Variants in ADAMTS20 observed in about 807,000 individuals in gnomAD.
ADAMTS20 encodes A disintegrin and metalloproteinase with thrombospondin motifs 20.
A neutral mutation model predicts 260.1 loss-of-function variants in ADAMTS20; 225 were observed. That is an observed-to-expected ratio of 0.87 (90% CI 0.78 to 0.97). The LOEUF is 0.97. ADAMTS20 is among the 50% of genes least tolerant of loss of function. The pLI, the probability that ADAMTS20 is intolerant of heterozygous loss-of-function variation, is 0.00. For missense variants in ADAMTS20, 2,400 were observed against 2,337.7 expected (o/e 1.03, Z -0.55); for synonymous variants, 802 against 769.5 (o/e 1.04, Z -0.70).
At chr12:43,509,305 C>T (rs1942890332) in intron 3 of ADAMTS20, among the ~76,000 whole-genome samples, 1 of 151,948 alleles carries the variant, frequency 6.6e-6, no homozygotes, top group South Asian at 2.1e-4. Context: ...CAAAATTTAA[C>T]AACAAATTTT....
chr12:43,380,693 AAG>A (rs1414263170), intron 31 of ADAMTS20, among the ~76,000 whole-genome samples: 3 of 152,218 alleles, frequency 2.0e-5, no homozygotes, highest in African/African-American at 7.2e-5. Flanking sequence ...AATAAATTAA[AAG>A]AAGTGCAAGA....
At chr12:43,501,215 C>A (rs1216200125) in intron 4 of ADAMTS20, among the ~76,000 whole-genome samples, 1 of 151,806 alleles carries the variant, frequency 6.6e-6, no homozygotes, top group East Asian at 1.9e-4. Context: ...TTCACCACCA[C>A]GCCTGGCTAA....
chr12:43,482,352 G>A lies in ADAMTS20; in HGVS notation c.1117+8043C>T, dbSNP rs111873333. On this transcript the variant is annotated intron_variant, in intron 7 of 38. Transcript: ENST00000389420. ...ATGGGCAGACAGGAAAGGGTGTGGC[G>A]TGAAAGTCACTCCATCTCCATAGGG... Among the ~76,000 whole-genome samples, 638 of 152,304 alleles carry A rather than the reference G, an allele frequency of 4.2e-3. 4 individuals are homozygous for A. Among genetic ancestry groups the A allele is most frequent in the African/African-American group, 0.014 (600 of 41,568 alleles).
chr12:43,392,474 G>A (rs1056235014), intron 29 of ADAMTS20, among the ~76,000 whole-genome samples: 11 of 151,842 alleles, frequency 7.2e-5, no homozygotes, highest in African/African-American at 2.7e-4. Context: ...CTATATTTTC[G>A]ATATGAACCT....
chr12:43,376,210 TA>T, intron 34 of ADAMTS20, 25 bp downstream of exon 34: 1 of 1,536,494 alleles, frequency 6.5e-7, no homozygotes, highest in Non-Finnish European at 8.8e-7. Context: ...AATGTTAAAA[TA>T]AAAAAGGAAC....
intron 7 of ADAMTS20, among the ~76,000 whole-genome samples, chr12:43,480,648 T>C (rs1330523744): frequency 6.6e-6 from 1 of 152,132 alleles, no homozygotes; most frequent in Non-Finnish European, 1.5e-5. Context: ...CATTCTGTCA[T>C]TTGCAACAGC....
At chr12:43,377,314 C>G (rs993665258) in intron 32 of ADAMTS20, 51 bp downstream of exon 32, 10 of 1,482,580 alleles carry the variant, frequency 6.7e-6, no homozygotes, top group Admixed American at 2.1e-5. Flanking sequence ...AGATTTCCCA[C>G]ACCTAGAAAG....
intron 31 of ADAMTS20, among the ~76,000 whole-genome samples, chr12:43,379,813 G>A (rs909592806): frequency 6.6e-6 from 1 of 152,112 alleles, no homozygotes; most frequent in Non-Finnish European, 1.5e-5. Context: ...CTTATCACAA[G>A]TAAAGAGATT....
intron 16 of ADAMTS20, among the ~76,000 whole-genome samples, chr12:43,440,627 G>A (rs1941644667): frequency 6.6e-6 from 1 of 152,034 alleles, no homozygotes; most frequent in East Asian, 1.9e-4. Flanking sequence ...TATCTCAGAT[G>A]GTCATCTTCT....
intron 2 of ADAMTS20, among the ~76,000 whole-genome samples, chr12:43,534,725 AC>A (rs372310517): frequency 6.6e-6 from 1 of 152,290 alleles, no homozygotes; most frequent in Admixed American, 6.5e-5. Context: ...AACAAAAAAA[AC>A]TACTAAACAG....
chr12:43,542,029 G>A (rs1943383159), intron 2 of ADAMTS20, among the ~76,000 whole-genome samples: 1 of 152,164 alleles, frequency 6.6e-6, no homozygotes, highest in South Asian at 2.1e-4. Flanking sequence ...TTCAAATAGT[G>A]TGCCCCAGCA....
intron 7 of ADAMTS20, among the ~76,000 whole-genome samples, chr12:43,485,321 C>G (rs1326188077): frequency 6.6e-6 from 1 of 152,044 alleles, no homozygotes; most frequent in Admixed American, 6.6e-5. Flanking sequence ...AAAACAAGAA[C>G]TATATGATCA....
intron 7 of ADAMTS20, among the ~76,000 whole-genome samples, chr12:43,480,279 A>G (rs1942421641): frequency 1.3e-5 from 2 of 152,206 alleles, no homozygotes; most frequent in Admixed American, 6.5e-5. Context: ...CACTCCTGAA[A>G]ATATATGCAT....
intron 29 of ADAMTS20, among the ~76,000 whole-genome samples, chr12:43,387,787 G>A (rs548147256): frequency 8.5e-5 from 13 of 152,272 alleles, no homozygotes; most frequent in African/African-American, 2.9e-4. Flanking sequence ...AATTGTGGTG[G>A]GCTCCATCCT....
chr12:43,532,617 A>G (rs1316101225), intron 2 of ADAMTS20, among the ~76,000 whole-genome samples: 1 of 122,220 alleles, frequency 8.2e-6, no homozygotes, highest in African/African-American at 3.1e-5. Flanking sequence ...GGTTAGTTAC[A>G]TATGTATACA....
chr12:43,552,059 C>A lies in ADAMTS20; in HGVS notation c.-138G>T, dbSNP rs1943526403. The A allele has an allele frequency of 4.3e-6, 3 of 704,090 alleles. No homozygotes were observed. Among genetic ancestry groups the A allele is most frequent in the African/African-American group, 1.8e-5 (1 of 56,470 alleles). 43.6% of individuals were successfully genotyped at this position (704,090 alleles called of 1,614,324 possible). The stretch of plus-strand genomic sequence containing the variant: ...CTCAGCAGCCTAGGGAACAGCAGCG[C>A]GGGCCCTGGGCCGGCTGGTCCAGCC... On this transcript the variant is annotated 5_prime_UTR_variant, in exon 1 of 39. Coordinates refer to ENST00000389420, the MANE Select transcript of ADAMTS20 (RefSeq NM_025003.5).
intron 3 of ADAMTS20, among the ~76,000 whole-genome samples, chr12:43,517,235 T>C (rs1180368828): frequency 6.6e-6 from 1 of 151,930 alleles, no homozygotes; most frequent in African/African-American, 2.4e-5. Flanking sequence ...GAAAAATAAA[T>C]AAAATATTGA....
rs778484574 is a variant in ADAMTS20 at position 43,452,607 on chromosome 12, A to G, written c.1849T>C (p.Phe617Leu). Residue 617 changes from phenylalanine (F) to leucine (L), a missense_variant, in exon 13 of 39, where the codon TTT becomes CTT. Phe to Leu is a conservative substitution (Grantham distance 22). Transcript: ENST00000389420. The stretch of plus-strand genomic sequence containing the variant: ...AAATCAGAGCACTGCTTCTCTCGAA[A>G]GTCTTGTGTGCCTTTTGGACATGAA... ...TDSCPKGTQD[F>L]REKQCSDFNG... is the part of the protein sequence containing the mutation. 6.8e-6 allele frequency: 11 copies of G among 1,613,404 alleles called. No homozygotes were observed. In the Admixed American group the frequency reaches 1.8e-4, roughly 27 times the overall value.
In ADAMTS20 at chr12:43,405,453, ATAATAATAAAT is replaced by A. The variant is rs1186182043; in HGVS notation, c.4285-6231_4285-6221del. 8.6e-5 allele frequency among the ~76,000 whole-genome samples: 12 copies of A among 138,966 alleles called. No homozygotes were observed. In the South Asian group the frequency reaches 2.7e-3, roughly 32 times the overall value. 91.2% of individuals were successfully genotyped at this position (138,966 alleles called of 152,430 possible). On this transcript the variant is annotated intron_variant, in intron 28 of 38. Transcript: ENST00000389420. ...AATAATAATAATAATAATAATAATA[ATAATAATAAAT>A]TAAATATTTCAAAATTTGATAATAT...
Sources: allele counts gnomAD v4.1 joint callset (sites outside exome capture counted in the v4.1 genomes callset), GRCh38; gene constraint gnomAD v4.1.1; transcripts MANE v1.5; gene names NCBI Gene and HGNC (gene_info 2026-07-23, HGNC 2026-07-21).